MAP2K2: variants seen among roughly 807,000 people sequenced by gnomAD.
MAP2K2 encodes the protein mitogen-activated protein kinase kinase 2.
In MAP2K2, 24 loss-of-function variants were observed where a neutral mutation model predicts 43.7. That is an observed-to-expected ratio of 0.55 (90% CI 0.40 to 0.77). MAP2K2 has a LOEUF of 0.77. MAP2K2 is among the 30% of genes least tolerant of loss of function. The pLI is 0.00. For missense variants in MAP2K2, 470 were observed against 566.8 expected, an observed-to-expected ratio of 0.83 and a Z score of 1.73; for synonymous variants, 244 against 239.7, an observed-to-expected ratio of 1.02 and a Z score of -0.17.
chr19:4,092,818 T>A (rs536748708), intron 10 of MAP2K2, among the ~76,000 whole-genome samples: 2 of 152,072 alleles, frequency 1.3e-5, no homozygotes, highest in Non-Finnish European at 2.9e-5. Flanking sequence ...ACACCTGTAA[T>A]CCCAGCCCTC....
At position 4,090,639 on chromosome 19, in the gene MAP2K2, G is replaced by T. The variant is rs144383241; in HGVS notation, c.1162C>A (p.Arg388=). 1 of 1,555,980 alleles carries T rather than the reference G, an allele frequency of 6.4e-7. No homozygotes were observed. The highest frequency in any genetic ancestry group is 1.4e-5 in the African/African-American group (1 of 73,466). Residue 388 remains arginine, a synonymous_variant, in exon 11 of 11, where the codon CGG becomes AGG. Transcript: ENST00000262948. ...DFAGWLCKTL[R]LNQPGTPTRT... is the part of the protein sequence containing the mutation. ...GTGGGTGTGCCGGGCTGGTTCAGCC[G>T]CAGGGTTTTACACAACCAGCCGGCA...
At chr19:4,098,255 G>C (rs1412775474) in intron 7 of MAP2K2, among the ~76,000 whole-genome samples, 1 of 152,110 alleles carries the variant, frequency 6.6e-6, no homozygotes, top group Non-Finnish European at 1.5e-5. Context: ...CCCAGGACAG[G>C]CCAGTCCAGA....
At chr19:4,096,513 C>T (rs1291507211) in intron 8 of MAP2K2, among the ~76,000 whole-genome samples, 3 of 152,196 alleles carry the variant, frequency 2.0e-5, no homozygotes, top group East Asian at 1.9e-4. Flanking sequence ...AAGGAGGCCG[C>T]GTCCCTCCTT....
intron 3 of MAP2K2, among the ~76,000 whole-genome samples, chr19:4,108,452 C>T (rs2041115177): frequency 6.7e-6 from 1 of 149,710 alleles, no homozygotes; most frequent in East Asian, 2.0e-4. Context: ...GACGGGGTTT[C>T]ACCACGTTAG....
chr19:4,095,394 T>C lies in MAP2K2; in HGVS notation c.1040A>G (p.Asn347Ser). Residue 347 changes from asparagine to serine, a missense_variant, in exon 9 of 11, where the codon AAT (asparagine) becomes AGT (serine). Asn to Ser is a conservative substitution (Grantham distance 46). This residue lies in a region of MAP2K2 where 212 missense variants were observed against 220.8 expected (regional missense o/e 0.96). Coordinates refer to ENST00000262948, the MANE Select transcript of MAP2K2 (RefSeq NM_030662.4). The part of the protein sequence containing the change: ...VFTPDFQEFV[N>S]KCLIKNPAER... ...GCAGCCCGGCTCCACCTACCATTTATTGACAAACTCCTGGAAGTCGGGGGT... is the reference window on the plus strand; with the variant it reads ...GCAGCCCGGCTCCACCTACCATTTACTGACAAACTCCTGGAAGTCGGGGGT... 7 of 1,551,204 alleles carry C rather than the reference T, an allele frequency of 4.5e-6. No homozygotes were observed. Among genetic ancestry groups the C allele is most frequent in the Non-Finnish European group, 5.2e-6 (6 of 1,146,824 alleles).
chr19:4,107,381 G>A (rs979706773), intron 3 of MAP2K2, among the ~76,000 whole-genome samples: 6 of 151,856 alleles, frequency 4.0e-5, no homozygotes, highest in Non-Finnish European at 7.4e-5. Flanking sequence ...AAAATTAGCC[G>A]GCTGTGGTGG....
rs2040964977 is a variant in MAP2K2 at position 4,099,216 on chromosome 19, C to CG, written c.903dup (p.Gly302ArgfsTer11). Reference sequence around the variant, plus strand: ...CAGGCCGTACCGCTGACGGGGCGCCCGGGGGGCCTCGGCCGAGGCGAGATG... The same window carrying CG: ...CAGGCCGTACCGCTGACGGGGCGCCCGGGGGGGCCTCGGCCGAGGCGAGATG... On this transcript the variant is annotated frameshift_variant, in exon 7 of 11. Coordinates refer to ENST00000262948, the MANE Select transcript of MAP2K2 (RefSeq NM_030662.4). LOFTEE classifies it high-confidence loss of function. 1.1e-5 allele frequency: 18 copies of CG among 1,602,848 alleles called. No individual in the cohort carries two copies. Among genetic ancestry groups the CG allele is most frequent in the South Asian group, 2.2e-5 (2 of 89,844 alleles).
intron 2 of MAP2K2, among the ~76,000 whole-genome samples, chr19:4,113,113 C>T (rs532726524): frequency 1.3e-5 from 2 of 152,144 alleles, no homozygotes; most frequent in Non-Finnish European, 2.9e-5. Context: ...CAGGAAAGAG[C>T]GCGCGTTCGG....
intron 1 of MAP2K2, among the ~76,000 whole-genome samples, chr19:4,120,691 T>C (rs2041282128): frequency 6.6e-6 from 1 of 151,984 alleles, no homozygotes; most frequent in Non-Finnish European, 1.5e-5. Context: ...CATTCTGGAG[T>C]CAGCTGACTA....
intron 3 of MAP2K2, among the ~76,000 whole-genome samples, chr19:4,107,688 CAGAG>C (rs1031060462): frequency 5.9e-5 from 9 of 151,902 alleles, no homozygotes; most frequent in Non-Finnish European, 1.2e-4. Context: ...ACCTGGGTGA[CAGAG>C]AGAGACCTTG....
rs374908619 is a variant in MAP2K2 at position 4,090,739 on chromosome 19, G to C, written c.1093-31C>G. The C allele has an allele frequency of 1.3e-5, 19 of 1,458,674 alleles. No homozygotes were observed. In the African/African-American group the frequency reaches 2.7e-4, roughly 20 times the overall value. The allele number at this position is 1,458,674 out of a possible 1,614,324, so 90.4% of individuals were successfully genotyped here. On this transcript the variant is annotated intron_variant, in intron 10 of 10. Coordinates refer to ENST00000262948, the MANE Select transcript of MAP2K2 (RefSeq NM_030662.4). ...AGGAAAGGGGAGCCGTGAGCACCCG[G>C]GCCTGGAGTCACAGTAGGACGGGGA... is the stretch of plus-strand genomic sequence containing the variant.
At chr19:4,100,253 A>G (rs2040984944) in intron 6 of MAP2K2, 1 of 151,902 alleles carries the variant, frequency 6.6e-6, no homozygotes, top group African/African-American at 2.4e-5. Context: ...CTCAAAAAAC[A>G]ACAACAACAA....
chr19:4,123,541 C>G (rs1398505579), intron 1 of MAP2K2, among the ~76,000 whole-genome samples: 1 of 150,196 alleles, frequency 6.7e-6, no homozygotes, highest in Non-Finnish European at 1.5e-5. Context: ...CCCTTCGCCC[C>G]GTCCTCCGAG....
intron 6 of MAP2K2, chr19:4,100,264 C>G (rs1176532257): frequency 6.6e-6 from 1 of 151,124 alleles, no homozygotes; most frequent in Admixed American, 6.6e-5. Flanking sequence ...ACAACAACAA[C>G]AAAAACAAAA....
At chr19:4,105,248 G>A (rs1368068849) in intron 3 of MAP2K2, among the ~76,000 whole-genome samples, 2 of 150,600 alleles carry the variant, frequency 1.3e-5, no homozygotes, top group East Asian at 1.9e-4. Context: ...TACGTAGGTA[G>A]TAGGTGAACA....
chr19:4,090,466 C>T lies in MAP2K2; in HGVS notation c.*132G>A, dbSNP rs1236613332. On this transcript the variant is annotated 3_prime_UTR_variant, in exon 11 of 11. Transcript: ENST00000262948. ...CCCGTTCCTGCATGCGCTGTCGCCC[C>T]GCCACGGTGCTCTCCGCAGGGGTGA... 8.7e-6 allele frequency: 7 copies of T among 806,414 alleles called. No individual in the cohort carries two copies. Among genetic ancestry groups the T allele is most frequent in the Admixed American group, 6.1e-5 (3 of 49,368 alleles). The allele number at this position is 806,414 out of a possible 1,614,324, so 50.0% of individuals were successfully genotyped here.
chr19:4,093,470 C>CA (rs1201721406), intron 10 of MAP2K2, among the ~76,000 whole-genome samples: 1 of 152,064 alleles, frequency 6.6e-6, no homozygotes, highest in Admixed American at 6.6e-5. Flanking sequence ...GCAGGTGGAT[C>CA]ACCTGAGGTC....
chr19:4,096,359 A>G (rs1319813676), intron 8 of MAP2K2, among the ~76,000 whole-genome samples: 1 of 152,174 alleles, frequency 6.6e-6, no homozygotes, highest in African/African-American at 2.4e-5. Context: ...GGCAGCTCAA[A>G]TGCCCGTTTC....
At chr19:4,095,764 G>A (rs1174318893) in intron 8 of MAP2K2, among the ~76,000 whole-genome samples, 1 of 152,154 alleles carries the variant, frequency 6.6e-6, no homozygotes, top group Non-Finnish European at 1.5e-5. Flanking sequence ...GCCCCACAGA[G>A]GGACATCTGG....
Sources: gnomAD v4.1 joint callset for allele counts (sites outside exome capture counted in the v4.1 genomes callset) on GRCh38, gnomAD v4.1.1 for gene constraint, gnomAD v4.1.1 regional missense constraint, MANE v1.5 for transcripts, NCBI Gene and HGNC (gene_info 2026-07-23, HGNC 2026-07-21) for gene names.